Variants in TCF4 observed in about 807,000 individuals in gnomAD.
TCF4 encodes transcription factor 4, also known as SL3-3 enhancer factor 2.
Under a neutral mutation model 82.1 loss-of-function variants are expected in TCF4, and 3 were observed. The observed-to-expected ratio is 0.04, with a 90% confidence interval of 0.02 to 0.09. The LOEUF (loss-of-function observed/expected upper bound fraction) is 0.09, where lower values mean the gene tolerates loss of function less well. Among genes scored for constraint, TCF4 ranks in the 10% least tolerant of loss-of-function variants. The pLI, the probability that TCF4 is intolerant of heterozygous loss-of-function variation, is 1.00. For synonymous variants in TCF4, 276 were observed against 309.6 expected, an observed-to-expected ratio of 0.89 and a Z score of 1.14; for missense variants, 518 against 852.7, an observed-to-expected ratio of 0.61 and a Z score of 4.89.
intron 5 of TCF4, among the ~76,000 whole-genome samples, chr18:55,435,099 T>G (rs534962184): frequency 1.2e-3 from 188 of 152,348 alleles, no homozygotes; most frequent in African/African-American, 3.8e-3. Flanking sequence ...AACCTTCTAC[T>G]CTTAAGTTCT....
At chr18:55,229,733 A>G (rs930972531) in intron 17 of TCF4, 2 of 152,734 alleles carry the variant, frequency 1.3e-5, no homozygotes, top group Admixed American at 1.3e-4. Context: ...TTCTCTATGT[A>G]TTAAACAAAA....
In TCF4 at chr18:55,273,711, C is replaced by T. The variant is rs183510505; in HGVS notation, c.789+1908G>A. Among the ~76,000 whole-genome samples the T allele has an allele frequency of 1.5e-3, 232 of 152,166 alleles. 2 individuals are homozygous for T. Among genetic ancestry groups the T allele is most frequent in the Non-Finnish European group, 1.4e-3 (96 of 67,970 alleles). On this transcript the variant is annotated intron_variant, in intron 10 of 19. Coordinates refer to ENST00000354452, the MANE Select transcript of TCF4 (RefSeq NM_001083962.2). ...GATGAAAAATGAAAATCCTGTGTTT[C>T]GTGATAGGTAAATGGCATTGCAAAT...
chr18:55,438,651 C>A (rs998932566), intron 5 of TCF4, among the ~76,000 whole-genome samples: 3 of 152,148 alleles, frequency 2.0e-5, no homozygotes, highest in African/African-American at 7.2e-5. Context: ...AAAGGTAGCA[C>A]TGGAGATTAA....
chr18:55,246,185 T>A (rs1247318633), intron 15 of TCF4, among the ~76,000 whole-genome samples: 4 of 152,076 alleles, frequency 2.6e-5, no homozygotes, highest in African/African-American at 9.7e-5. Flanking sequence ...GAAAACCATG[T>A]AAGGATGTAA....
chr18:55,292,925 T>C (rs147409363), intron 8 of TCF4, among the ~76,000 whole-genome samples: 3,167 of 152,166 alleles, frequency 0.021, 60 homozygotes, highest in Non-Finnish European at 0.032. Context: ...TATGCCTGTG[T>C]GTGTATATAA....
chr18:55,563,211 C>G (rs1221280298), intron 3 of TCF4, among the ~76,000 whole-genome samples: 1 of 149,410 alleles, frequency 6.7e-6, no homozygotes, highest in Non-Finnish European at 1.5e-5. Context: ...TGCACTCCAT[C>G]CCAGGCAACA....
chr18:55,571,981 G>A (rs374013444), intron 3 of TCF4, among the ~76,000 whole-genome samples: 39 of 151,776 alleles, frequency 2.6e-4, no homozygotes, highest in African/African-American at 8.5e-4. Context: ...AGTTACTAAA[G>A]CATCCCTGGA....
chr18:55,347,203 C>T (rs1029286018), intron 8 of TCF4, among the ~76,000 whole-genome samples: 2 of 152,082 alleles, frequency 1.3e-5, no homozygotes, highest in Non-Finnish European at 2.9e-5. Flanking sequence ...TCGCAAAAAA[C>T]GAGGGCTACG....
At chr18:55,351,888 A>G in intron 6 of TCF4, 1 of 878,182 alleles carries the variant, frequency 1.1e-6, no homozygotes, top group Non-Finnish European at 1.4e-6. Context: ...AGATAGTACC[A>G]TTTATATTAA....
intron 3 of TCF4, among the ~76,000 whole-genome samples, chr18:55,470,702 C>T (rs1202813549): frequency 6.6e-6 from 1 of 152,186 alleles, no homozygotes; most frequent in Non-Finnish European, 1.5e-5. Flanking sequence ...GCCAATCACC[C>T]AGGACCCTAG....
At chr18:55,340,451 T>C (rs1417902726) in intron 8 of TCF4, among the ~76,000 whole-genome samples, 1 of 151,422 alleles carries the variant, frequency 6.6e-6, no homozygotes, top group Non-Finnish European at 1.5e-5. Flanking sequence ...GGTGTGGTGG[T>C]TGTGAACCTG....
At chr18:55,325,115 G>T (rs1278808727) in intron 8 of TCF4, among the ~76,000 whole-genome samples, 3 of 152,164 alleles carry the variant, frequency 2.0e-5, no homozygotes, top group Non-Finnish European at 4.4e-5. Flanking sequence ...CCGAATGAAT[G>T]AATAACTGCA....
chr18:55,231,121 T>C (rs2047811553), intron 17 of TCF4: 1 of 152,334 alleles, frequency 6.6e-6, no homozygotes, highest in East Asian at 1.9e-4. Flanking sequence ...CTGCTGCCAG[T>C]GCCAAGGAAA....
At chr18:55,527,753 T>A (rs1387425876) in intron 3 of TCF4, among the ~76,000 whole-genome samples, 1 of 150,914 alleles carries the variant, frequency 6.6e-6, no homozygotes, top group Non-Finnish European at 1.5e-5. Context: ...AATCCAAGAA[T>A]TTTTTTTAGA....
intron 3 of TCF4, among the ~76,000 whole-genome samples, chr18:55,500,676 G>A (rs1272980329): frequency 6.6e-6 from 1 of 152,148 alleles, no homozygotes. Flanking sequence ...GGCAACAGGA[G>A]TAAATAAGGG....
intron 3 of TCF4, among the ~76,000 whole-genome samples, chr18:55,507,928 T>G (rs1333767927): frequency 6.6e-6 from 1 of 152,146 alleles, no homozygotes; most frequent in Non-Finnish European, 1.5e-5. Flanking sequence ...GTGGAGAAAC[T>G]GACCCATGTA....
At chr18:55,399,809 T>C (rs1387415900) in intron 6 of TCF4, among the ~76,000 whole-genome samples, 1 of 150,738 alleles carries the variant, frequency 6.6e-6, no homozygotes, top group African/African-American at 2.4e-5. Flanking sequence ...ATTTGATTGG[T>C]CTCAGATAGG....
chr18:55,618,752 ATTTTT>A (rs35018085), intron 2 of TCF4, among the ~76,000 whole-genome samples: 26 of 147,688 alleles, frequency 1.8e-4, no homozygotes, highest in African/African-American at 2.3e-4. Flanking sequence ...TGGCTAATTA[ATTTTT>A]TTTTTTTTTT....
At position 55,234,600 on chromosome 18, in the gene TCF4, A is replaced by G; in HGVS notation, c.1434T>C (p.Pro478=). 1 of 1,614,132 alleles carries G rather than the reference A, an allele frequency of 6.2e-7. No homozygotes were observed. Among genetic ancestry groups the G allele is most frequent in the Non-Finnish European group, 8.5e-7 (1 of 1,180,006 alleles). ...LPNQVPVPQL[P]VQSATSPDLN... ...GGTCAGGGGAAGTCGCAGACTGGACAGGAAGCTGTGGAACCGGAACCTGGT... is the reference window on the plus strand; with the variant it reads ...GGTCAGGGGAAGTCGCAGACTGGACGGGAAGCTGTGGAACCGGAACCTGGT... The change falls in exon 16 of 20, where the codon CCT becomes CCC. Residue 478 remains proline, a synonymous_variant. Coordinates refer to ENST00000354452, the MANE Select transcript of TCF4 (RefSeq NM_001083962.2).
Sources: gnomAD v4.1 joint callset for allele counts (sites outside exome capture counted in the v4.1 genomes callset) on GRCh38, gnomAD v4.1.1 for gene constraint, MANE v1.5 for transcripts, NCBI Gene and HGNC (gene_info 2026-07-23, HGNC 2026-07-21) for gene names.